OR7C1: variants seen among roughly 807,000 people sequenced by gnomAD.
OR7C1 encodes the protein olfactory receptor 7C1.
For synonymous variants in OR7C1, 152 were observed against 160.7 expected, an observed-to-expected ratio of 0.95 and a Z score of 0.41; for missense variants, 324 against 383.3, an observed-to-expected ratio of 0.85 and a Z score of 1.29.
chr19:14,815,779 T>TTGTG (rs1310510352), intron 1 of OR7C1, among the ~76,000 whole-genome samples: 5 of 123,540 alleles, frequency 4.0e-5, no homozygotes, highest in Admixed American at 2.6e-4. Context: ...GTCTCTGAGT[T>TTGTG]TGTGCGTGTG....
chr19:14,802,728 G>T (rs1002937841), intron 2 of OR7C1, among the ~76,000 whole-genome samples: 10 of 152,158 alleles, frequency 6.6e-5, no homozygotes, highest in African/African-American at 1.9e-4. Flanking sequence ...GAAAGGCTGT[G>T]GAGTGAGATA....
Position 14,829,265 on chromosome 19 carries a change from G to A in OR7C1, c.-623+5809C>T, listed in dbSNP as rs192685447. Among the ~76,000 whole-genome samples the A allele has an allele frequency of 1.2e-4, 18 of 152,288 alleles. No homozygotes were observed. The South Asian group carries it at 3.5e-3, about 30-fold the overall frequency. On this transcript the variant is annotated intron_variant, in intron 1 of 4. Coordinates refer to ENST00000641666, the Ensembl canonical transcript of OR7C1. ...TGTTGCCGGGCTGGAGCGCAGTGGC[G>A]CAATCTCAGATCACTGCAACCTCCA...
chr19:14,801,830 A>G (rs1230858122), intron 2 of OR7C1, among the ~76,000 whole-genome samples: 1 of 152,196 alleles, frequency 6.6e-6, no homozygotes, highest in Non-Finnish European at 1.5e-5. Flanking sequence ...GTAGCACCAT[A>G]CTTTTAAACA....
intron 1 of OR7C1, among the ~76,000 whole-genome samples, chr19:14,811,735 G>C (rs1363622659): frequency 2.0e-5 from 3 of 151,874 alleles, no homozygotes; most frequent in South Asian, 2.1e-4. Context: ...AATCACAGAG[G>C]ACACTAAAAT....
intron 2 of OR7C1, 30 bp from the exon 3 acceptor site, chr19:14,800,794 G>A (rs1347153132): frequency 6.6e-6 from 1 of 152,192 alleles, no homozygotes; most frequent in Non-Finnish European, 1.5e-5. Flanking sequence ...AGTAAGATTA[G>A]GGTGGGGCCA....
chr19:14,825,642 A>G (rs2044762300), intron 1 of OR7C1: 1 of 152,244 alleles, frequency 6.6e-6, no homozygotes, highest in Non-Finnish European at 1.5e-5. Context: ...ATGTAAAGCC[A>G]TGTTAAGACA....
At chr19:14,811,738 A>G (rs1369627516) in intron 1 of OR7C1, among the ~76,000 whole-genome samples, 1 of 151,962 alleles carries the variant, frequency 6.6e-6, no homozygotes, top group East Asian at 1.9e-4. Context: ...CACAGAGGAC[A>G]CTAAAATTTA....
At chr19:14,829,712 T>C (rs950312837) in intron 1 of OR7C1, among the ~76,000 whole-genome samples, 1 of 152,252 alleles carries the variant, frequency 6.6e-6, no homozygotes, top group African/African-American at 2.4e-5. Flanking sequence ...GTCACATCAA[T>C]TGAAATGCAT....
At chr19:14,803,772 C>T (rs530203546) in intron 2 of OR7C1, among the ~76,000 whole-genome samples, 87 of 151,680 alleles carry the variant, frequency 5.7e-4, no homozygotes, top group Admixed American at 1.5e-3. Context: ...TGCAGTGGCG[C>T]GATCTCGGCT....
intron 2 of OR7C1, among the ~76,000 whole-genome samples, chr19:14,801,041 T>C (rs1028316783): frequency 2.0e-5 from 3 of 152,194 alleles, no homozygotes; most frequent in Admixed American, 2.0e-4. Context: ...TGTTCTAAAT[T>C]TTCCTAGTGC....
At chr19:14,833,933 T>C (rs1267846203) in intron 1 of OR7C1, among the ~76,000 whole-genome samples, 2 of 152,162 alleles carry the variant, frequency 1.3e-5, no homozygotes. Flanking sequence ...CATAATGTCT[T>C]GTGGAAACAA....
At chr19:14,835,095 A>T (rs1278432160) in exon 1 of OR7C1, 1 of 152,164 alleles carries the variant, frequency 6.6e-6, no homozygotes, top group Non-Finnish European at 1.5e-5. Context: ...CTCTCCGAGG[A>T]AGAGTTCCTT....
chr19:14,800,084 G>A, exon 5 of OR7C1: 1 of 1,601,624 alleles, frequency 6.2e-7, no homozygotes. Flanking sequence ...TGACGTTGCT[G>A]AAAATCCCAG....
chr19:14,802,381 G>T (rs905041433), intron 2 of OR7C1, among the ~76,000 whole-genome samples: 1 of 152,138 alleles, frequency 6.6e-6, no homozygotes, highest in Non-Finnish European at 1.5e-5. Flanking sequence ...TGAGCTGGGC[G>T]TGGTGGCACA....
At chr19:14,833,919 G>T (rs1401325264) in intron 1 of OR7C1, among the ~76,000 whole-genome samples, 2 of 152,184 alleles carry the variant, frequency 1.3e-5, no homozygotes, top group Non-Finnish European at 2.9e-5. Context: ...ACAGAAATAA[G>T]TGTCATAATG....
chr19:14,816,729 C>G (rs2044718013), intron 1 of OR7C1, among the ~76,000 whole-genome samples: 1 of 152,142 alleles, frequency 6.6e-6, no homozygotes, highest in South Asian at 2.1e-4. Context: ...TTAATAAACT[C>G]CACTTCATAT....
chr19:14,801,652 A>G (rs1286047980), intron 2 of OR7C1, among the ~76,000 whole-genome samples: 1 of 152,184 alleles, frequency 6.6e-6, no homozygotes, highest in Non-Finnish European at 1.5e-5. Flanking sequence ...CGCTGCTGTA[A>G]AGAACTACCC....
chr19:14,828,016 T>A (rs766725859), intron 1 of OR7C1: 4 of 1,614,122 alleles, frequency 2.5e-6, no homozygotes, highest in Non-Finnish European at 3.4e-6. Context: ...GGAATGGTGG[T>A]GGAAGTAACA....
At chr19:14,809,047 A>G (rs1016702121) in intron 2 of OR7C1, among the ~76,000 whole-genome samples, 19 of 151,958 alleles carry the variant, frequency 1.3e-4, no homozygotes, top group African/African-American at 4.1e-4. Flanking sequence ...GGAACATGTT[A>G]TGTAAATGAA....
Sources: gnomAD v4.1 joint callset for allele counts (sites outside exome capture counted in the v4.1 genomes callset) on GRCh38, gnomAD v4.1.1 for gene constraint, MANE v1.5 for transcripts, NCBI Gene and HGNC (gene_info 2026-07-23, HGNC 2026-07-21) for gene names.